The following PLEKHO1 variants were observed in gnomAD, a reference collection of about 807,000 sequenced individuals.
PLEKHO1 encodes the protein pleckstrin homology domain containing O1.
In PLEKHO1, 22 loss-of-function variants were observed where a neutral mutation model predicts 41.4. That is an observed-to-expected ratio of 0.53 (90% CI 0.38 to 0.76). The LOEUF is 0.76. Among genes scored for constraint, PLEKHO1 ranks in the 30% least tolerant of loss-of-function variants. The pLI, the probability that PLEKHO1 is intolerant of heterozygous loss-of-function variation, is 0.00. For missense variants in PLEKHO1, 488 were observed against 518.3 expected (o/e 0.94, Z 0.57); for synonymous variants, 225 against 210.8 (o/e 1.07, Z -0.58).
chr1:150,154,111 T>G (rs193192154), intron 2 of PLEKHO1: 1 of 151,914 alleles, frequency 6.6e-6, no homozygotes, highest in African/African-American at 2.4e-5. Context: ...CTCCCTTTCC[T>G]TCCCTTCCCC....
chr1:150,156,582 C>G (rs1660178850), intron 3 of PLEKHO1, among the ~76,000 whole-genome samples: 1 of 152,192 alleles, frequency 6.6e-6, no homozygotes, highest in Non-Finnish European at 1.5e-5. Flanking sequence ...GAAGTTATTC[C>G]TGTCACATTC....
chr1:150,151,194 A>C, intron 2 of PLEKHO1, 136 bp downstream of exon 2: 2 of 864,272 alleles, frequency 2.3e-6, no homozygotes, highest in Non-Finnish European at 3.6e-6. Flanking sequence ...CCCCCATCTC[A>C]TCTGCAGAGA....
chr1:150,156,867 C>A, intron 3 of PLEKHO1, 44 bp from the exon 4 acceptor site: 1 of 1,101,112 alleles, frequency 9.1e-7, no homozygotes, highest in Non-Finnish European at 1.4e-6. Context: ...AGGTGAGGCA[C>A]CACCTCTAAA....
chr1:150,155,656 C>G (rs1448957017), intron 2 of PLEKHO1: 1 of 155,306 alleles, frequency 6.4e-6, no homozygotes, highest in African/African-American at 2.4e-5. Flanking sequence ...TTTCTGTGGA[C>G]CATCAAGGGC....
chr1:150,156,270 C>T lies in PLEKHO1; in HGVS notation c.318+64C>T, dbSNP rs1660163989. On this transcript the variant is annotated intron_variant, in intron 3 of 5. Coordinates refer to ENST00000369124, the MANE Select transcript of PLEKHO1 (RefSeq NM_016274.6). Reference sequence around the variant, plus strand: ...CAGGGTTGGAGGGGGCAGGGGAGAACTCCTTCCCCTCAGTTTCTCTCTCAG... The same window carrying T: ...CAGGGTTGGAGGGGGCAGGGGAGAATTCCTTCCCCTCAGTTTCTCTCTCAG... 38 of 1,351,352 alleles carry T rather than the reference C, an allele frequency of 2.8e-5. No homozygotes were observed. In the South Asian group the frequency reaches 4.8e-4, roughly 17 times the overall value. The allele number at this position is 1,351,352 out of a possible 1,614,324, so 83.7% of individuals were successfully genotyped here. A position where few individuals can be genotyped will look rare whatever the true frequency, so the allele number is the denominator to read the frequency against.
At chr1:150,156,416 A>T (rs181982822) in intron 3 of PLEKHO1, among the ~76,000 whole-genome samples, 2 of 152,146 alleles carry the variant, frequency 1.3e-5, no homozygotes, top group Non-Finnish European at 2.9e-5. Context: ...AGCCACAAAG[A>T]TCATCTCTCT....
intron 3 of PLEKHO1, 66 bp from the exon 4 acceptor site, chr1:150,156,845 T>C: frequency 1.1e-6 from 1 of 896,132 alleles, no homozygotes; most frequent in Non-Finnish European, 1.9e-6. Context: ...ATCTCTTATT[T>C]CTTCATTGTC....
chr1:150,159,229 A>C lies in PLEKHO1; in HGVS notation c.936A>C (p.Val312=). The change falls in exon 6 of 6, where the codon GTA becomes GTC. Residue 312 remains valine, a synonymous_variant. Coordinates refer to ENST00000369124, the MANE Select transcript of PLEKHO1 (RefSeq NM_016274.6). ...AGCTGTCCCGGATCCAGGACCTGGT[A>C]GCAAGGAAACTGGAGGAGACTCAGG... The part of the protein sequence containing the change: ...PGQLSRIQDL[V]ARKLEETQEL... The C allele has an allele frequency of 6.2e-7, 1 of 1,614,154 alleles. No individual in the cohort carries two copies. Among genetic ancestry groups the C allele is most frequent in the East Asian group, 2.2e-5 (1 of 44,884 alleles).
intron 2 of PLEKHO1, chr1:150,153,688 C>G (rs1208781869): frequency 1.3e-5 from 2 of 152,154 alleles, no homozygotes; most frequent in East Asian, 3.9e-4. Flanking sequence ...CAAAGGGCAT[C>G]CTCTCTCAAA....
Position 150,159,100 on chromosome 1 carries a change from C to T in PLEKHO1, c.807C>T (p.Cys269=), listed in dbSNP as rs782080165. ...TGACGCCCACAGAGAAAGGCCGCTG[C>T]GCCTCCCTGGAGGAGATCCTATCTC... ...KKLTPTEKGR[C]ASLEEILSQR... The change falls in exon 6 of 6, where the codon TGC becomes TGT. Residue 269 remains cysteine (C), a synonymous_variant. Coordinates refer to ENST00000369124, the MANE Select transcript of PLEKHO1 (RefSeq NM_016274.6). 5.6e-6 allele frequency: 9 copies of T among 1,613,716 alleles called. No homozygotes were observed. In the Admixed American group the frequency reaches 6.7e-5, roughly 12 times the overall value.
intron 4 of PLEKHO1, 153 bp downstream of exon 4, chr1:150,157,168 T>A: frequency 1.4e-6 from 1 of 696,702 alleles, no homozygotes; most frequent in Non-Finnish European, 2.6e-6. Flanking sequence ...GATCTCTTTC[T>A]ACCTTCTCTC....
rs1553818746 is a variant in PLEKHO1, at chr1:150,150,901, T to C, written c.31-11T>C. 6.2e-7 allele frequency: 1 copy of C among 1,613,256 alleles called. No homozygotes were observed. The highest frequency in any genetic ancestry group is 1.1e-5 in the South Asian group (1 of 91,058). ...TCCTAACCGCCCGCTTCTCATCTTG[T>C]CCTGGGGCAGGGACCTCAGGATGGA... is the stretch of plus-strand genomic sequence containing the variant. On this transcript the variant is annotated splice_polypyrimidine_tract_variant and intron_variant, in intron 1 of 5. Transcript: ENST00000369124.
chr1:150,157,354 A>T (rs781795183), intron 4 of PLEKHO1, 31 bp from the exon 5 acceptor site: 1 of 1,506,988 alleles, frequency 6.6e-7, no homozygotes, highest in Non-Finnish European at 9.2e-7. Context: ...GTCGCTGAAG[A>T]GCACTCATGA....
chr1:150,153,198 G>GTT (rs1464686032), intron 2 of PLEKHO1, among the ~76,000 whole-genome samples: 1 of 152,056 alleles, frequency 6.6e-6, no homozygotes, highest in Non-Finnish European at 1.5e-5. Flanking sequence ...GTTTTGTTTT[G>GTT]TTTTTTAGAG....
chr1:150,159,564 CTT>C lies in PLEKHO1; in HGVS notation c.*42_*43del, dbSNP rs1660349696. The stretch of plus-strand genomic sequence containing the variant: ...TGGAACTTGTCGGGTTGGACAGACT[CTT>C]ATCTCCGTGTTGCTGGATAAAGCTT... On this transcript the variant is annotated 3_prime_UTR_variant, in exon 6 of 6. Transcript: ENST00000369124. The C allele has an allele frequency of 7.6e-7, 1 of 1,307,738 alleles. No homozygotes were observed. Among genetic ancestry groups the C allele is most frequent in the Non-Finnish European group, 1.1e-6 (1 of 948,554 alleles). 81.0% of individuals were successfully genotyped at this position (1,307,738 alleles called of 1,614,324 possible).
chr1:150,152,222 C>T (rs115052560), intron 2 of PLEKHO1, among the ~76,000 whole-genome samples: 2,256 of 152,356 alleles, frequency 0.015, 68 homozygotes, highest in African/African-American at 0.052. Flanking sequence ...AAGAACTAAG[C>T]TGTGCCACAG....
chr1:150,151,210 C>T (rs1659913892), intron 2 of PLEKHO1, 152 bp downstream of exon 2: 1 of 751,488 alleles, frequency 1.3e-6, no homozygotes, highest in African/African-American at 1.8e-5. Flanking sequence ...AGAGAAAGGC[C>T]ACCCTTTAAT....
chr1:150,158,880 C>A lies in PLEKHO1; in HGVS notation c.587C>A (p.Ser196Tyr), dbSNP rs781937630. The A allele has an allele frequency of 7.4e-6, 12 of 1,613,964 alleles. No homozygotes were observed. The highest frequency in any genetic ancestry group is 9.3e-6 in the Non-Finnish European group (11 of 1,179,950). Residue 196 changes from serine to tyrosine, a missense_variant, in exon 6 of 6, where the codon TCC becomes TAC. This residue lies in a region of PLEKHO1 where 337 missense variants were observed against 324.6 expected (regional missense o/e 1.04). Coordinates refer to ENST00000369124, the MANE Select transcript of PLEKHO1 (RefSeq NM_016274.6). Reference protein sequence around the residue: ...TLDLIQEEDPSPEEPTSCAES... With the variant: ...TLDLIQEEDPYPEEPTSCAES... Reference sequence around the variant, plus strand: ...GACTTGATCCAAGAGGAAGACCCTTCCCCTGAGGAACCAACCTCTTGTGCT... The same window carrying A: ...GACTTGATCCAAGAGGAAGACCCTTACCCTGAGGAACCAACCTCTTGTGCT...
intron 3 of PLEKHO1, 64 bp from the exon 4 acceptor site, chr1:150,156,847 T>C: frequency 1.1e-6 from 1 of 910,524 alleles, no homozygotes; most frequent in Non-Finnish European, 1.9e-6. Flanking sequence ...CTCTTATTTC[T>C]TCATTGTCAA....
Sources: gnomAD v4.1 joint callset for allele counts (sites outside exome capture counted in the v4.1 genomes callset) on GRCh38, gnomAD v4.1.1 for gene constraint, gnomAD v4.1.1 regional missense constraint, MANE v1.5 for transcripts, NCBI Gene and HGNC (gene_info 2026-07-23, HGNC 2026-07-21) for gene names.